FGF12: variants seen among roughly 807,000 people sequenced by gnomAD.
FGF12 encodes the protein fibroblast growth factor 12B.
Under a neutral mutation model 23.6 loss-of-function variants are expected in FGF12, and 14 were observed. That is an observed-to-expected ratio of 0.59 (90% CI 0.39 to 0.93). The LOEUF (loss-of-function observed/expected upper bound fraction) is 0.93. Ranked by LOEUF, FGF12 falls within the 40% of genes least tolerant of loss-of-function variation. FGF12 has a pLI of 0.00. For synonymous variants in FGF12, 62 were observed against 77.3 expected (o/e 0.80, Z 1.04); for missense variants, 175 against 217.8 (o/e 0.80, Z 1.24).
chr3:192,182,976 TG>T (rs749232920), intron 4 of FGF12, among the ~76,000 whole-genome samples: 1 of 152,230 alleles, frequency 6.6e-6, no homozygotes, highest in Non-Finnish European at 1.5e-5. Flanking sequence ...GTTTGCTCAT[TG>T]GGTTTAAATT....
intron 2 of FGF12, among the ~76,000 whole-genome samples, chr3:192,599,872 T>C (rs1350242883): frequency 6.6e-6 from 1 of 152,144 alleles, no homozygotes; most frequent in Non-Finnish European, 1.5e-5. Flanking sequence ...GTGGAGATAG[T>C]AAAGTTAGTG....
intron 4 of FGF12, among the ~76,000 whole-genome samples, chr3:192,260,304 T>C (rs1057247560): frequency 1.1e-4 from 17 of 152,290 alleles, no homozygotes; most frequent in African/African-American, 4.1e-4. Flanking sequence ...CCAATTAGGT[T>C]GTTTGCCAAT....
chr3:192,554,729 G>C (rs1312498019), intron 2 of FGF12, among the ~76,000 whole-genome samples: 1 of 151,300 alleles, frequency 6.6e-6, no homozygotes, highest in Non-Finnish European at 1.5e-5. Context: ...AAGAAACAAA[G>C]GTATGGAGAT....
intron 2 of FGF12, among the ~76,000 whole-genome samples, chr3:192,581,426 GTA>G (rs1170755816): frequency 1.4e-5 from 2 of 147,382 alleles, no homozygotes; most frequent in African/African-American, 5.0e-5. Flanking sequence ...ATATGTGTGT[GTA>G]TATATATATG....
In FGF12 at chr3:192,622,408, A is replaced by G. The variant is rs181131712; in HGVS notation, c.13+104773T>C. Among the ~76,000 whole-genome samples, 7 of 152,226 alleles carry G rather than the reference A, an allele frequency of 4.6e-5. No individual in the cohort carries two copies. The East Asian group carries it at 1.4e-3, about 29-fold the overall frequency. On this transcript the variant is annotated intron_variant, in intron 2 of 5. Coordinates refer to ENST00000445105, the MANE Select transcript of FGF12 (RefSeq NM_004113.6). Reference sequence around the variant, plus strand: ...CCAATCCTTGGATCAGATATTTCCAATCCTCACAGTACCCTAAGACACCCA... The same window carrying G: ...CCAATCCTTGGATCAGATATTTCCAGTCCTCACAGTACCCTAAGACACCCA...
chr3:192,459,155 T>C (rs1417356590), intron 2 of FGF12, among the ~76,000 whole-genome samples: 1 of 152,200 alleles, frequency 6.6e-6, no homozygotes, highest in East Asian at 1.9e-4. Context: ...AACAGGCTAA[T>C]ACATGCAGAG....
intron 4 of FGF12, among the ~76,000 whole-genome samples, chr3:192,278,796 C>T (rs753110245): frequency 6.6e-6 from 1 of 152,156 alleles, no homozygotes; most frequent in Non-Finnish European, 1.5e-5. Context: ...CCCTTAACTA[C>T]AGTAGGTAAG....
At chr3:192,179,912 T>C (rs1716076069) in intron 4 of FGF12, among the ~76,000 whole-genome samples, 1 of 152,038 alleles carries the variant, frequency 6.6e-6, no homozygotes, top group African/African-American at 2.4e-5. Flanking sequence ...TATTACTCAC[T>C]CTCCTTACTC....
chr3:192,433,021 G>A (rs970149657), intron 2 of FGF12, among the ~76,000 whole-genome samples: 8 of 152,094 alleles, frequency 5.3e-5, no homozygotes, highest in South Asian at 2.1e-4. Flanking sequence ...CCTTCAGATC[G>A]TCAAACGTGA....
At chr3:192,177,865 C>T (rs1021113714) in intron 4 of FGF12, among the ~76,000 whole-genome samples, 6 of 152,272 alleles carry the variant, frequency 3.9e-5, no homozygotes, top group Middle Eastern at 3.4e-3. Context: ...TTTAGCACTA[C>T]GGCCACTTTC....
chr3:192,366,927 G>A (rs936671627), intron 2 of FGF12, among the ~76,000 whole-genome samples: 10 of 152,188 alleles, frequency 6.6e-5, no homozygotes, highest in African/African-American at 2.4e-4. Context: ...GGAATATGCA[G>A]ATTAAAAAGA....
intron 4 of FGF12, among the ~76,000 whole-genome samples, chr3:192,327,685 G>C (rs1716892945): frequency 1.3e-5 from 2 of 151,630 alleles, no homozygotes; most frequent in Non-Finnish European, 2.9e-5. Flanking sequence ...ATGCGTTCTA[G>C]ACATGTTTCA....
rs536728037 is a variant in FGF12 at position 192,343,681 on chromosome 3, C to T, written c.125-8217G>A. On this transcript the variant is annotated intron_variant, in intron 3 of 5. Coordinates refer to ENST00000445105, the MANE Select transcript of FGF12 (RefSeq NM_004113.6). ...AATTATGGTACAATGGAATGTTCAC[C>T]CAGGCAAATTAATTATTCATTCCCT... Among the ~76,000 whole-genome samples, 16 of 152,110 alleles carry T rather than the reference C, an allele frequency of 1.1e-4. No homozygotes were observed. In the South Asian group the frequency reaches 1.2e-3, roughly 12 times the overall value.
At chr3:192,709,636 A>C (rs1718597668) in intron 2 of FGF12, among the ~76,000 whole-genome samples, 1 of 152,206 alleles carries the variant, frequency 6.6e-6, no homozygotes, top group South Asian at 2.1e-4. Context: ...TTCTCTTCTG[A>C]CCAAGTTAAG....
At chr3:192,596,207 T>C (rs1303676642) in intron 2 of FGF12, among the ~76,000 whole-genome samples, 1 of 150,542 alleles carries the variant, frequency 6.6e-6, no homozygotes, top group Admixed American at 6.7e-5. Flanking sequence ...CTACTCTACT[T>C]GAGAATTAAC....
chr3:192,195,099 G>A (rs889524294), intron 4 of FGF12, among the ~76,000 whole-genome samples: 3 of 152,206 alleles, frequency 2.0e-5, no homozygotes, highest in Non-Finnish European at 4.4e-5. Flanking sequence ...TACGTAGCCC[G>A]GAGGGCCCAC....
intron 2 of FGF12, among the ~76,000 whole-genome samples, chr3:192,722,007 T>C (rs1719053063): frequency 6.6e-6 from 1 of 152,206 alleles, no homozygotes. Flanking sequence ...ATCCTGTTCA[T>C]ATATCCCTAC....
rs181251352 is a variant in FGF12 at position 192,625,674 on chromosome 3, T to A, written c.13+101507A>T. Among the ~76,000 whole-genome samples the A allele has an allele frequency of 2.2e-4, 33 of 152,204 alleles. No individual in the cohort carries two copies. In the East Asian group the frequency reaches 4.2e-3, roughly 20 times the overall value. ...CTATTTTCAGAAAATAAACTTTTTT[T>A]AAAAAGTCATATTTTTTCAAGTACT... On this transcript the variant is annotated intron_variant, in intron 2 of 5. Coordinates refer to ENST00000445105, the MANE Select transcript of FGF12 (RefSeq NM_004113.6).
chr3:192,398,825 C>T (rs1006210789), intron 2 of FGF12, among the ~76,000 whole-genome samples: 13 of 152,172 alleles, frequency 8.5e-5, no homozygotes, highest in Non-Finnish European at 1.6e-4. Flanking sequence ...CTGAGAAGCC[C>T]CAGGCTTTGC....
Sources: allele counts gnomAD v4.1 joint callset (sites outside exome capture counted in the v4.1 genomes callset), GRCh38; gene constraint gnomAD v4.1.1; transcripts MANE v1.5; gene names NCBI Gene and HGNC (gene_info 2026-07-23, HGNC 2026-07-21).